SLC39A11: variants seen among roughly 807,000 people sequenced by gnomAD.
SLC39A11 encodes the protein zinc transporter ZIP11.
In SLC39A11, 33 loss-of-function variants were observed where a neutral mutation model predicts 36.1. The observed-to-expected ratio is 0.91, with a 90% CI of 0.69 to 1.22. The LOEUF is 1.22. Among genes scored for constraint, SLC39A11 ranks in the 50% most tolerant of loss-of-function variants. The pLI is 0.00. For synonymous variants in SLC39A11, 166 were observed against 170.3 expected, an observed-to-expected ratio of 0.97 and a Z score of 0.20; for missense variants, 432 against 430.3, an observed-to-expected ratio of 1.00 and a Z score of -0.03.
chr17:72,830,164 C>T (rs1398818886), intron 6 of SLC39A11, among the ~76,000 whole-genome samples: 1 of 152,188 alleles, frequency 6.6e-6, no homozygotes, highest in African/African-American at 2.4e-5. Context: ...GCTAAAATTG[C>T]TACCACTGAT....
rs539711036 is a variant in SLC39A11 at position 72,792,196 on chromosome 17, G to A, written c.602-55477C>T. 5.3e-5 allele frequency among the ~76,000 whole-genome samples: 8 copies of A among 152,286 alleles called. No individual in the cohort carries two copies. In the South Asian group the frequency reaches 1.4e-3, roughly 28 times the overall value. On this transcript the variant is annotated intron_variant, in intron 6 of 9. Transcript: ENST00000255559. ...ACATAACTCAGAAGAGGAGAACATC[G>A]CAGGCCATGTGGGGCCACTCAAAGG...
At chr17:72,950,007 T>C (rs1051623836) in intron 4 of SLC39A11, among the ~76,000 whole-genome samples, 4 of 151,436 alleles carry the variant, frequency 2.6e-5, no homozygotes, top group African/African-American at 9.7e-5. Flanking sequence ...CCCTTCTTGT[T>C]TTTTCACTGT....
At chr17:73,055,536 A>G (rs1293154349) in intron 3 of SLC39A11, among the ~76,000 whole-genome samples, 1 of 151,578 alleles carries the variant, frequency 6.6e-6, no homozygotes, top group African/African-American at 2.4e-5. Context: ...GGCTCAAGCA[A>G]TCCTCTCACC....
intron 2 of SLC39A11, among the ~76,000 whole-genome samples, chr17:73,085,567 G>A (rs991109176): frequency 1.3e-5 from 2 of 151,136 alleles, no homozygotes; most frequent in African/African-American, 4.9e-5. Flanking sequence ...CCTTGAACTC[G>A]GGAGGCAGAC....
chr17:73,009,184 A>G (rs1379841400), intron 4 of SLC39A11, among the ~76,000 whole-genome samples: 1 of 151,996 alleles, frequency 6.6e-6, no homozygotes, highest in Admixed American at 6.6e-5. Context: ...TAACACGGTG[A>G]AACCCTGTCT....
intron 5 of SLC39A11, among the ~76,000 whole-genome samples, chr17:72,911,147 G>A (rs976778257): frequency 2.6e-5 from 4 of 151,966 alleles, no homozygotes; most frequent in South Asian, 4.2e-4. Context: ...AAATAATATC[G>A]CTGCCTCCAC....
At chr17:72,692,468 A>G (rs1297549500) in intron 7 of SLC39A11, among the ~76,000 whole-genome samples, 1 of 152,200 alleles carries the variant, frequency 6.6e-6, no homozygotes, top group Admixed American at 6.5e-5. Context: ...CCTCAGAATC[A>G]TGGCGGAAGG....
rs560327918 is a variant in SLC39A11, at chr17:72,802,601, A to AAAAAG, written c.601+47028_601+47032dup. On this transcript the variant is annotated intron_variant, in intron 6 of 9. Coordinates refer to ENST00000255559, the MANE Select transcript of SLC39A11 (RefSeq NM_139177.4). ...GTGAAACTCCATCTCAAAAAAAAAA[A>AAAAAG]AAAAGAAAAGAAAAGAAAAGAAAAT... Among the ~76,000 whole-genome samples the AAAAAG allele has an allele frequency of 8.8e-3, 1,326 of 150,936 alleles. 22 individuals are homozygous for AAAAAG. Among genetic ancestry groups the AAAAAG allele is most frequent in the African/African-American group, 0.03 (1,219 of 40,620 alleles).
chr17:73,053,000 C>T (rs2059557137), intron 3 of SLC39A11, among the ~76,000 whole-genome samples: 1 of 152,180 alleles, frequency 6.6e-6, no homozygotes, highest in Admixed American at 6.6e-5. Context: ...TGAGCCTGGC[C>T]AACCTAATGT....
intron 7 of SLC39A11, among the ~76,000 whole-genome samples, chr17:72,711,188 C>T (rs2073092958): frequency 2.0e-5 from 3 of 152,182 alleles, no homozygotes; most frequent in Non-Finnish European, 4.4e-5. Flanking sequence ...ATTCCCTTAT[C>T]CATTCCTCAA....
At chr17:72,899,195 C>T (rs986741611) in intron 5 of SLC39A11, among the ~76,000 whole-genome samples, 2 of 152,106 alleles carry the variant, frequency 1.3e-5, no homozygotes, top group African/African-American at 2.4e-5. Context: ...AAAAGGGCAG[C>T]TCCATTTCCC....
chr17:72,809,021 A>C (rs763306406), intron 6 of SLC39A11, among the ~76,000 whole-genome samples: 6 of 152,138 alleles, frequency 3.9e-5, no homozygotes, highest in Non-Finnish European at 8.8e-5. Flanking sequence ...ACATTATCTC[A>C]GTGGATTGGA....
chr17:72,765,467 A>ATGAATTAAACTCTTTCTCGAT (rs1373572458), intron 6 of SLC39A11, among the ~76,000 whole-genome samples: 2 of 152,204 alleles, frequency 1.3e-5, no homozygotes, highest in Non-Finnish European at 2.9e-5. Context: ...CCGGCTCTGC[A>ATGAATTAAACTCTTTCTCGAT]TGAATTAAAC....
chr17:73,006,968 A>G (rs922007611), intron 4 of SLC39A11, among the ~76,000 whole-genome samples: 5 of 152,174 alleles, frequency 3.3e-5, no homozygotes, highest in African/African-American at 9.7e-5. Flanking sequence ...AATCAGTTTC[A>G]GGGCCCCTCC....
chr17:73,017,020 G>A (rs7211589), intron 4 of SLC39A11, among the ~76,000 whole-genome samples: 8,762 of 152,182 alleles, frequency 0.058, 571 homozygotes, highest in African/African-American at 0.15. Context: ...TGCAAGGAGA[G>A]GTATAGAAAC....
At chr17:72,668,261 T>C (rs541043728) in intron 7 of SLC39A11, among the ~76,000 whole-genome samples, 2 of 151,548 alleles carry the variant, frequency 1.3e-5, no homozygotes, top group African/African-American at 4.9e-5. Context: ...AGCACATACC[T>C]GGTGGGCTTT....
intron 3 of SLC39A11, among the ~76,000 whole-genome samples, chr17:73,033,068 C>G (rs559294045): frequency 6.6e-6 from 1 of 152,304 alleles, no homozygotes; most frequent in South Asian, 2.1e-4. Context: ...GATCATCGGG[C>G]ATTAGAGTCT....
At chr17:72,706,531 C>T (rs2072901112) in intron 7 of SLC39A11, among the ~76,000 whole-genome samples, 1 of 152,158 alleles carries the variant, frequency 6.6e-6, no homozygotes, top group African/African-American at 2.4e-5. Context: ...ACATTGCAAG[C>T]TTAAAGGGCA....
chr17:72,898,222 G>T (rs980524390), intron 5 of SLC39A11, among the ~76,000 whole-genome samples: 2 of 152,152 alleles, frequency 1.3e-5, no homozygotes, highest in Non-Finnish European at 1.5e-5. Context: ...CACGTGGAAG[G>T]AAATGCTTGT....
Sources: allele counts gnomAD v4.1 joint callset (sites outside exome capture counted in the v4.1 genomes callset), GRCh38; gene constraint gnomAD v4.1.1; transcripts MANE v1.5; gene names NCBI Gene and HGNC (gene_info 2026-07-23, HGNC 2026-07-21).